Variants in ARAP2 observed in about 807,000 individuals in gnomAD.
The protein encoded by ARAP2 is arf-GAP with Rho-GAP domain, ANK repeat and PH domain-containing protein 2.
In ARAP2, 148 loss-of-function variants were observed where a neutral mutation model predicts 194.5. The ratio of observed to expected loss-of-function variants is 0.76; its 90% CI spans 0.67 to 0.87. ARAP2 has a LOEUF of 0.87. ARAP2 is among the 40% of genes least tolerant of loss of function. The pLI, the probability that ARAP2 is intolerant of heterozygous loss-of-function variation, is 0.00. For missense variants in ARAP2, 2,128 were observed against 1,989.7 expected, an observed-to-expected ratio of 1.07 and a Z score of -1.32; for synonymous variants, 695 against 683.5, an observed-to-expected ratio of 1.02 and a Z score of -0.26.
intron 1 of ARAP2, among the ~76,000 whole-genome samples, chr4:36,237,944 A>G (rs1752744806): frequency 6.6e-6 from 1 of 152,226 alleles, no homozygotes; most frequent in South Asian, 2.1e-4. Flanking sequence ...TATGCTTATG[A>G]TTATATTCTT....
chr4:36,018,431 AACTC>A (rs1356476564), intron 6 of ARAP2, among the ~76,000 whole-genome samples: 1 of 128,292 alleles, frequency 7.8e-6, no homozygotes. Flanking sequence ...TATGAGAGAC[AACTC>A]ACTCAATATC....
At chr4:36,065,031 G>A (rs757952608), downstream of ARAP2, 1 of 173,102 alleles carries the variant, frequency 5.8e-6, no homozygotes, top group Non-Finnish European at 1.2e-5. Context: ...GGTCCTCTGG[G>A]AGAAGGAAGG....
chr4:36,017,564 T>TAAAAGAAAAAAAAAAAAA (rs1716066778), intron 6 of ARAP2, among the ~76,000 whole-genome samples: 1 of 42,578 alleles, frequency 2.3e-5, no homozygotes, highest in Non-Finnish European at 3.8e-5. Flanking sequence ...AAGAAAGTGG[T>TAAAAGAAAAAAAAAAAAA]AAAAAAAAAA....
chr4:36,108,234 T>G (rs754656658), intron 26 of ARAP2, among the ~76,000 whole-genome samples: 2 of 151,940 alleles, frequency 1.3e-5, no homozygotes, highest in Non-Finnish European at 2.9e-5. Context: ...CTGGTTTGTT[T>G]AGGGAAACCT....
chr4:36,207,129 A>T (rs1745710296), intron 6 of ARAP2, among the ~76,000 whole-genome samples: 1 of 152,148 alleles, frequency 6.6e-6, no homozygotes. Flanking sequence ...AGCTTCAAAC[A>T]TTTCTCTTCT....
At chr4:36,083,618 CTT>C (rs962027456) in intron 28 of ARAP2, among the ~76,000 whole-genome samples, 168 bp from the exon 29 acceptor site, 4 of 152,012 alleles carry the variant, frequency 2.6e-5, no homozygotes, top group African/African-American at 9.7e-5. Flanking sequence ...AATGAAGACT[CTT>C]AGGATTTACA....
chr4:36,188,579 G>A (rs932323847), intron 7 of ARAP2, among the ~76,000 whole-genome samples: 5 of 152,080 alleles, frequency 3.3e-5, no homozygotes, highest in African/African-American at 1.2e-4. Context: ...AGAAATAAGA[G>A]GACAACAACA....
At chr4:36,028,256 GTTATAA>G (rs1718272575) in intron 5 of ARAP2, among the ~76,000 whole-genome samples, 1 of 151,930 alleles carries the variant, frequency 6.6e-6, no homozygotes, top group Middle Eastern at 3.2e-3. Flanking sequence ...TGTATGTAGC[GTTATAA>G]TTATGATTAT....
intron 9 of ARAP2, among the ~76,000 whole-genome samples, chr4:36,008,443 A>G (rs1391220306): frequency 6.6e-6 from 1 of 152,144 alleles, no homozygotes; most frequent in Non-Finnish European, 1.5e-5. Context: ...CAATGGGGAA[A>G]TGACTTCTTA....
chr4:36,046,322 G>C (rs548283630), intron 4 of ARAP2, among the ~76,000 whole-genome samples: 1 of 152,160 alleles, frequency 6.6e-6, no homozygotes, highest in South Asian at 2.1e-4. Flanking sequence ...GGGACTACAG[G>C]CTCATGCCAC....
At chr4:36,025,464 G>A (rs908953438) in intron 5 of ARAP2, among the ~76,000 whole-genome samples, 3 of 152,066 alleles carry the variant, frequency 2.0e-5, no homozygotes, top group South Asian at 4.1e-4. Context: ...CTCCTGTCTC[G>A]TCACTGGCGT....
At chr4:36,206,688 T>C (rs563596373) in intron 6 of ARAP2, among the ~76,000 whole-genome samples, 1 of 152,326 alleles carries the variant, frequency 6.6e-6, no homozygotes, top group South Asian at 2.1e-4. Context: ...TTTATCACTA[T>C]TCACATATAT....
chr4:36,053,314 T>C (rs1359173820), intron 2 of ARAP2, among the ~76,000 whole-genome samples: 1 of 151,198 alleles, frequency 6.6e-6, no homozygotes, highest in East Asian at 1.9e-4. Context: ...CAGCATGCAG[T>C]TTTTTATAAA....
At chr4:36,107,525 A>T (rs1718725912) in intron 27 of ARAP2, 40 bp downstream of exon 27, 1 of 1,566,418 alleles carries the variant, frequency 6.4e-7, no homozygotes, top group East Asian at 2.3e-5. Flanking sequence ...AACCACTTGA[A>T]TTTTCAATCA....
At chr4:36,221,999 T>A (rs1436374808) in intron 2 of ARAP2, among the ~76,000 whole-genome samples, 1 of 152,104 alleles carries the variant, frequency 6.6e-6, no homozygotes, top group South Asian at 2.1e-4. Context: ...TCAAGATCAA[T>A]TTTGTCTTTC....
chr4:36,098,859 A>G (rs1460940521), intron 27 of ARAP2, among the ~76,000 whole-genome samples: 1 of 152,068 alleles, frequency 6.6e-6, no homozygotes, highest in Non-Finnish European at 1.5e-5. Flanking sequence ...ATGAAACATC[A>G]TATTTGCTTC....
intron 2 of ARAP2, among the ~76,000 whole-genome samples, chr4:36,219,749 G>A (rs971848920): frequency 2.0e-5 from 3 of 151,994 alleles, no homozygotes; most frequent in African/African-American, 7.3e-5. Flanking sequence ...ATTGGATAAG[G>A]TAGAAAATAT....
intron 26 of ARAP2, among the ~76,000 whole-genome samples, chr4:36,109,599 T>A (rs2109477568): frequency 6.6e-6 from 1 of 152,100 alleles, no homozygotes; most frequent in Middle Eastern, 3.4e-3. Context: ...AATTTTTCAA[T>A]GTTATAATTC....
intron 28 of ARAP2, among the ~76,000 whole-genome samples, chr4:36,083,728 C>T (rs975790252): frequency 2.6e-5 from 4 of 152,040 alleles, no homozygotes; most frequent in African/African-American, 9.7e-5. Flanking sequence ...ATTCTTGATT[C>T]AAAAACACTT....
Sources: gnomAD v4.1 joint callset for allele counts (sites outside exome capture counted in the v4.1 genomes callset) on GRCh38, gnomAD v4.1.1 for gene constraint, MANE v1.5 for transcripts, NCBI Gene and HGNC (gene_info 2026-07-23, HGNC 2026-07-21) for gene names.